The following LUZP2 variants were observed in gnomAD, a reference collection of about 807,000 sequenced individuals.
LUZP2 encodes leucine zipper protein 2.
Under a neutral mutation model 51.6 loss-of-function variants are expected in LUZP2, and 52 were observed. The observed-to-expected ratio is 1.01, with a 90% confidence interval of 0.81 to 1.27. The LOEUF (loss-of-function observed/expected upper bound fraction) is 1.27. LUZP2 is among the 50% of genes most tolerant of loss of function. The pLI is 0.00. For synonymous variants in LUZP2, 154 were observed against 137.3 expected (o/e 1.12, Z -0.85); for missense variants, 436 against 395.4 (o/e 1.10, Z -0.87).
At chr11:24,595,127 C>G (rs2071751212) in intron 1 of LUZP2, among the ~76,000 whole-genome samples, 1 of 149,972 alleles carries the variant, frequency 6.7e-6, no homozygotes, top group Non-Finnish European at 1.5e-5. Flanking sequence ...CAAATTCTTA[C>G]ACAGAGGCAA....
chr11:24,974,834 G>A (rs1855840855), intron 7 of LUZP2, among the ~76,000 whole-genome samples: 1 of 152,080 alleles, frequency 6.6e-6, no homozygotes, highest in East Asian at 1.9e-4. Context: ...TTGAGCAAGG[G>A]GCAAGTGGTA....
chr11:24,591,317 A>G (rs1264317389), intron 1 of LUZP2, among the ~76,000 whole-genome samples: 1 of 151,920 alleles, frequency 6.6e-6, no homozygotes, highest in Non-Finnish European at 1.5e-5. Flanking sequence ...TTACAGTGAG[A>G]CTCTGGTCCA....
chr11:24,716,529 C>G (rs1385062863), intron 1 of LUZP2, among the ~76,000 whole-genome samples: 2 of 152,084 alleles, frequency 1.3e-5, no homozygotes, highest in African/African-American at 4.8e-5. Context: ...GAGGACAAGT[C>G]ACAGGGTACA....
chr11:24,544,288 A>G (rs1423151699), intron 1 of LUZP2, among the ~76,000 whole-genome samples: 1 of 152,004 alleles, frequency 6.6e-6, no homozygotes, highest in Non-Finnish European at 1.5e-5. Context: ...AAATAAAAAT[A>G]AACCTTTTAT....
intron 7 of LUZP2, among the ~76,000 whole-genome samples, chr11:24,931,728 T>C (rs1854461913): frequency 6.6e-6 from 1 of 152,228 alleles, no homozygotes; most frequent in Admixed American, 6.5e-5. Context: ...TGAATTCTTT[T>C]TCTGGCAATT....
chr11:24,732,476 T>C (rs2133972952), intron 3 of LUZP2, among the ~76,000 whole-genome samples: 1 of 151,728 alleles, frequency 6.6e-6, no homozygotes, highest in East Asian at 1.9e-4. Context: ...TTTCCTCAGT[T>C]AGTAAGATGG....
At chr11:24,969,254 A>G (rs756100223) in intron 7 of LUZP2, among the ~76,000 whole-genome samples, 1 of 152,124 alleles carries the variant, frequency 6.6e-6, no homozygotes, top group African/African-American at 2.4e-5. Flanking sequence ...AAGTGAGAAC[A>G]TGGAGTATTT....
intron 7 of LUZP2, among the ~76,000 whole-genome samples, chr11:24,951,155 T>C (rs916192922): frequency 4.0e-5 from 6 of 151,604 alleles, no homozygotes; most frequent in Admixed American, 1.3e-4. Context: ...GAGAATATAC[T>C]TAATTACTGA....
chr11:24,612,419 T>G (rs1273983029), intron 1 of LUZP2, among the ~76,000 whole-genome samples: 1 of 152,140 alleles, frequency 6.6e-6, no homozygotes, highest in East Asian at 1.9e-4. Flanking sequence ...ACTTTACAAA[T>G]TGATACTCTT....
chr11:24,499,756 A>T (rs767958242), intron 1 of LUZP2, among the ~76,000 whole-genome samples: 7 of 148,158 alleles, frequency 4.7e-5, no homozygotes. Flanking sequence ...CAGAGCGGAG[A>T]CTCTTAATGC....
intron 5 of LUZP2, among the ~76,000 whole-genome samples, chr11:24,853,450 G>A (rs1175012639): frequency 1.3e-5 from 2 of 151,924 alleles, no homozygotes; most frequent in African/African-American, 4.8e-5. Context: ...AAGTTCTTGT[G>A]CTGTGTTTTT....
chr11:24,691,200 G>A (rs12575171), intron 1 of LUZP2, among the ~76,000 whole-genome samples: 27,824 of 151,640 alleles, frequency 0.18, 2,645 homozygotes, highest in East Asian at 0.32. Context: ...TACCTGATAC[G>A]TTTTATCCTG....
intron 9 of LUZP2, among the ~76,000 whole-genome samples, chr11:24,999,264 A>C (rs1398633674): frequency 6.6e-6 from 1 of 152,084 alleles, no homozygotes; most frequent in African/African-American, 2.4e-5. Context: ...AGAAATGATA[A>C]TTTCCAGAGG....
At chr11:24,668,703 AAC>A (rs1237250978) in intron 1 of LUZP2, among the ~76,000 whole-genome samples, 12 of 152,162 alleles carry the variant, frequency 7.9e-5, no homozygotes, top group African/African-American at 2.9e-4. Flanking sequence ...GAATAGATAA[AAC>A]AAATGTCTGT....
chr11:24,852,085 T>A (rs2450420), intron 5 of LUZP2, among the ~76,000 whole-genome samples: 22,979 of 149,932 alleles, frequency 0.15, 1,867 homozygotes, highest in African/African-American at 0.2. Flanking sequence ...TGATTTTTTT[T>A]AAGATTTTTC....
chr11:24,802,555 A>G (rs978821136), intron 5 of LUZP2, among the ~76,000 whole-genome samples: 17 of 151,972 alleles, frequency 1.1e-4, no homozygotes, highest in African/African-American at 4.1e-4. Context: ...AATATTAAAT[A>G]TATTCATAAT....
At chr11:25,026,699 G>A (rs1857502425) in intron 9 of LUZP2, among the ~76,000 whole-genome samples, 1 of 151,852 alleles carries the variant, frequency 6.6e-6, no homozygotes, top group South Asian at 2.1e-4. Flanking sequence ...AGCATGATTG[G>A]TTGCTATGAT....
At chr11:25,041,947 C>T (rs1011959725) in intron 9 of LUZP2, among the ~76,000 whole-genome samples, 9 of 152,264 alleles carry the variant, frequency 5.9e-5, no homozygotes, top group South Asian at 2.1e-4. Context: ...GTTATGTGCT[C>T]TTTATGAAAA....
At chr11:24,498,250 G>A (rs943059274) in intron 1 of LUZP2, among the ~76,000 whole-genome samples, 2 of 152,180 alleles carry the variant, frequency 1.3e-5, no homozygotes, top group Non-Finnish European at 2.9e-5. Context: ...ACAGGATGAA[G>A]ATCCTTTCAA....
Sources: gnomAD v4.1 joint callset for allele counts (sites outside exome capture counted in the v4.1 genomes callset) on GRCh38, gnomAD v4.1.1 for gene constraint, MANE v1.5 for transcripts, NCBI Gene and HGNC (gene_info 2026-07-23, HGNC 2026-07-21) for gene names.